The following CSMD1 variants were observed in gnomAD, a reference collection of about 807,000 sequenced individuals.
CSMD1 encodes CUB and sushi domain-containing protein 1.
In CSMD1, 213 loss-of-function variants were observed where a neutral mutation model predicts 417.5. The ratio of observed to expected loss-of-function variants is 0.51; its 90% CI spans 0.46 to 0.57. The LOEUF (loss-of-function observed/expected upper bound fraction) is 0.57. CSMD1 is among the 20% of genes least tolerant of loss of function. The pLI is 0.00. For missense variants in CSMD1, 6,923 were observed against 4,529.7 expected, an observed-to-expected ratio of 1.53 and a Z score of -15.17; for synonymous variants, 2,862 against 1,736.8, an observed-to-expected ratio of 1.65 and a Z score of -16.11.
intron 3 of CSMD1, among the ~76,000 whole-genome samples, chr8:4,143,371 C>CTTTTTTTTTTTT (rs71534385): frequency 8.9e-6 from 1 of 112,934 alleles, no homozygotes. Flanking sequence ...CGTCTTATCC[C>CTTTTTTTTTTTT]TTTTTTTTTT....
chr8:3,559,281 G>A (rs910271121), intron 10 of CSMD1, among the ~76,000 whole-genome samples: 1 of 152,186 alleles, frequency 6.6e-6, no homozygotes, highest in African/African-American at 2.4e-5. Context: ...ACTGCCCTTG[G>A]TGTGAACATG....
intron 49 of CSMD1, among the ~76,000 whole-genome samples, chr8:3,077,351 G>A (rs1407818014): frequency 1.3e-5 from 2 of 152,148 alleles, no homozygotes; most frequent in African/African-American, 4.8e-5. Context: ...GCCCTGAAAT[G>A]AGAAGATGAG....
chr8:3,937,891 T>A (rs1810615394), intron 5 of CSMD1, among the ~76,000 whole-genome samples: 1 of 152,186 alleles, frequency 6.6e-6, no homozygotes, highest in African/African-American at 2.4e-5. Flanking sequence ...CAAGAAACTT[T>A]ATGATTTAAA....
intron 2 of CSMD1, among the ~76,000 whole-genome samples, chr8:4,500,363 T>C (rs912581615): frequency 1.1e-4 from 17 of 152,140 alleles, no homozygotes; most frequent in African/African-American, 4.1e-4. Context: ...TAATAATAAA[T>C]TGAGACAAAT....
intron 2 of CSMD1, among the ~76,000 whole-genome samples, chr8:4,628,756 C>A (rs1168837885): frequency 1.3e-5 from 2 of 152,010 alleles, no homozygotes; most frequent in African/African-American, 4.8e-5. Context: ...AGTTAGATAC[C>A]CTTGGAGGAG....
intron 5 of CSMD1, among the ~76,000 whole-genome samples, chr8:3,950,576 A>G (rs372130920): frequency 6.6e-6 from 1 of 152,194 alleles, no homozygotes; most frequent in Admixed American, 6.5e-5. Flanking sequence ...GCCCATAGCA[A>G]TATTGCGTGA....
At chr8:4,033,727 A>T (rs1245532397) in intron 3 of CSMD1, among the ~76,000 whole-genome samples, 1 of 152,176 alleles carries the variant, frequency 6.6e-6, no homozygotes, top group Non-Finnish European at 1.5e-5. Context: ...CTTTTCATTG[A>T]CAATTTCAAT....
At chr8:3,085,837 G>A (rs1814491513) in intron 49 of CSMD1, among the ~76,000 whole-genome samples, 1 of 152,136 alleles carries the variant, frequency 6.6e-6, no homozygotes, top group Non-Finnish European at 1.5e-5. Flanking sequence ...CATGTGCCTG[G>A]CATCACCCGA....
chr8:3,081,974 C>A (rs1814135856), intron 49 of CSMD1, among the ~76,000 whole-genome samples: 2 of 152,154 alleles, frequency 1.3e-5, no homozygotes, highest in Admixed American at 6.6e-5. Context: ...TCACATGGTC[C>A]TTATTTCACT....
chr8:4,642,826 G>T (rs1803282231), intron 1 of CSMD1, among the ~76,000 whole-genome samples: 1 of 152,154 alleles, frequency 6.6e-6, no homozygotes, highest in South Asian at 2.1e-4. Context: ...GCAAATGTTT[G>T]GACATCAAAG....
Position 3,187,243 on chromosome 8 carries a change from G to A in CSMD1, c.5620+626C>T, listed in dbSNP as rs7837512. On this transcript the variant is annotated intron_variant, in intron 36 of 69. Transcript: ENST00000635120. Reference sequence around the variant, plus strand: ...ATTACAAAGCAAAGTGAAAGAAAGCGGTGTCATGCATCTGGAGGCAGGATA... The same window carrying A: ...ATTACAAAGCAAAGTGAAAGAAAGCAGTGTCATGCATCTGGAGGCAGGATA... 3.7e-3 allele frequency among the ~76,000 whole-genome samples: 559 copies of A among 152,272 alleles called. 4 individuals carry two copies. The highest frequency in any genetic ancestry group is 6.1e-3 in the Non-Finnish European group (413 of 68,028).
chr8:3,232,503 G>T (rs945758003), intron 26 of CSMD1, among the ~76,000 whole-genome samples: 2 of 151,956 alleles, frequency 1.3e-5, no homozygotes, highest in African/African-American at 4.8e-5. Flanking sequence ...TGGATCTTTG[G>T]GTCATTTTTC....
At chr8:4,233,839 T>C (rs1375217566) in intron 3 of CSMD1, among the ~76,000 whole-genome samples, 2 of 152,158 alleles carry the variant, frequency 1.3e-5, no homozygotes, top group Non-Finnish European at 2.9e-5. Flanking sequence ...TAATTATTAT[T>C]TGGCCATATA....
At chr8:3,533,206 CA>C (rs1798052521) in intron 10 of CSMD1, among the ~76,000 whole-genome samples, 1 of 152,128 alleles carries the variant, frequency 6.6e-6, no homozygotes, top group Non-Finnish European at 1.5e-5. Flanking sequence ...ACCCTAAAAC[CA>C]GATGCCTATT....
intron 23 of CSMD1, among the ~76,000 whole-genome samples, chr8:3,333,968 T>C (rs1807074188): frequency 6.6e-6 from 1 of 152,208 alleles, no homozygotes; most frequent in Admixed American, 6.5e-5. Flanking sequence ...CCTCAGCTTG[T>C]ATAGGATTTC....
At chr8:4,183,309 A>T (rs1279307140) in intron 3 of CSMD1, among the ~76,000 whole-genome samples, 1 of 152,194 alleles carries the variant, frequency 6.6e-6, no homozygotes, top group Non-Finnish European at 1.5e-5. Context: ...CAGCAATTAA[A>T]TATATTTAAA....
chr8:3,552,737 T>C (rs2116793637), intron 10 of CSMD1, among the ~76,000 whole-genome samples: 1 of 152,322 alleles, frequency 6.6e-6, no homozygotes, highest in South Asian at 2.1e-4. Flanking sequence ...AAAGTATGCT[T>C]TTAGTTTATA....
At chr8:3,751,151 G>C (rs895949484) in intron 6 of CSMD1, among the ~76,000 whole-genome samples, 1 of 152,036 alleles carries the variant, frequency 6.6e-6, no homozygotes, top group African/African-American at 2.4e-5. Context: ...GTGTTGTCTT[G>C]GAGCTGAACT....
intron 5 of CSMD1, among the ~76,000 whole-genome samples, chr8:3,792,025 C>G (rs1413795777): frequency 1.3e-5 from 2 of 152,198 alleles, no homozygotes; most frequent in Non-Finnish European, 1.5e-5. Flanking sequence ...AATGTTTTGA[C>G]AGTCAATTAA....
Sources: gnomAD v4.1 joint callset for allele counts (sites outside exome capture counted in the v4.1 genomes callset) on GRCh38, gnomAD v4.1.1 for gene constraint, MANE v1.5 for transcripts, NCBI Gene and HGNC (gene_info 2026-07-23, HGNC 2026-07-21) for gene names.